The following SH3TC2 variants were observed in gnomAD, a reference collection of about 807,000 sequenced individuals.
SH3TC2 encodes the protein SH3 domain and tetratricopeptide repeat-containing protein 2.
A neutral mutation model predicts 124.5 loss-of-function variants in SH3TC2; 87 were observed. That is an observed-to-expected ratio of 0.70 (90% CI 0.59 to 0.84). The LOEUF is 0.84. Ranked by LOEUF, SH3TC2 falls within the 40% of genes least tolerant of loss-of-function variation. The pLI is 0.00. For missense variants in SH3TC2, 1,536 were observed against 1,566.4 expected (o/e 0.98, Z 0.33); for synonymous variants, 634 against 628.5 (o/e 1.01, Z -0.13).
At position 149,003,931 on chromosome 5, in the gene SH3TC2, G is replaced by T. The variant is rs971816987; in HGVS notation, c.*780C>A. ...CCTCCATCTCATCTGCCCCCATTGT[G>T]GATGAGACAAAATGTGTGTGTAAAT... On this transcript the variant is annotated 3_prime_UTR_variant, in exon 17 of 17. Coordinates refer to ENST00000515425, the MANE Select transcript of SH3TC2 (RefSeq NM_024577.4). 3.4e-6 allele frequency: 1 copy of T among 295,990 alleles called. No individual in the cohort carries two copies. Among genetic ancestry groups the T allele is most frequent in the Non-Finnish European group, 6.9e-6 (1 of 144,798 alleles). 18.3% of individuals were successfully genotyped at this position (295,990 alleles called of 1,614,324 possible). A position where few individuals can be genotyped will look rare whatever the true frequency, so the allele number is the denominator to read the frequency against.
chr5:149,008,456 G>A, intron 15 of SH3TC2: 1 of 251,472 alleles, frequency 4.0e-6, no homozygotes, highest in Non-Finnish European at 7.8e-6. Flanking sequence ...CAGTCCTTTT[G>A]CAATGGGAAC....
At chr5:149,006,388 A>G in intron 16 of SH3TC2, 1 of 182,468 alleles carries the variant, frequency 5.5e-6, no homozygotes. Context: ...AAACATGTTA[A>G]TATGCACCCA....
In SH3TC2 at chr5:148,997,464, C is replaced by T. The variant is rs540513790; in HGVS notation, c.*7247G>A. Among the ~76,000 whole-genome samples, 1 of 152,312 alleles carries T rather than the reference C, an allele frequency of 6.6e-6. No homozygotes were observed. The highest frequency in any genetic ancestry group is 2.1e-4 in the South Asian group (1 of 4,832). ...GGCTAAGTTACCTGACTGTGGTCAA[C>T]AATAACACCAGTATTTCTTTTTCAA... On this transcript the variant is annotated 3_prime_UTR_variant, in exon 17 of 17. Coordinates refer to ENST00000515425, the MANE Select transcript of SH3TC2 (RefSeq NM_024577.4).
In SH3TC2 at chr5:149,004,423, T is replaced by G; in HGVS notation, c.*288A>C. On this transcript the variant is annotated 3_prime_UTR_variant, in exon 17 of 17. Coordinates refer to ENST00000515425, the MANE Select transcript of SH3TC2 (RefSeq NM_024577.4). Reference sequence around the variant, plus strand: ...GCAAGATCCCTCATCTTCTCCAGAATTATGTATGGAGAAAGTGCTTTTCAG... The same window carrying G: ...GCAAGATCCCTCATCTTCTCCAGAAGTATGTATGGAGAAAGTGCTTTTCAG... 2 of 412,316 alleles carry G rather than the reference T, an allele frequency of 4.9e-6. No individual in the cohort carries two copies. The highest frequency in any genetic ancestry group is 4.4e-6 in the Non-Finnish European group (1 of 226,628). The allele number at this position is 412,316 out of a possible 1,614,324, so 25.5% of individuals were successfully genotyped here.
intron 3 of SH3TC2, chr5:149,046,211 A>G (rs1276280508): frequency 6.4e-6 from 1 of 156,490 alleles, no homozygotes; most frequent in Non-Finnish European, 1.4e-5. Context: ...CTTCTGCCAT[A>G]CCAAACCCCA....
rs562598939 is a variant in SH3TC2 at position 148,989,739 on chromosome 5, G to T, written c.*14972C>A. Among the ~76,000 whole-genome samples the T allele has an allele frequency of 6.6e-6, 1 of 152,188 alleles. No homozygotes were observed. Among genetic ancestry groups the T allele is most frequent in the African/African-American group, 2.4e-5 (1 of 41,442 alleles). On this transcript the variant is annotated 3_prime_UTR_variant, in exon 17 of 17. Coordinates refer to ENST00000515425, the MANE Select transcript of SH3TC2 (RefSeq NM_024577.4). ...GGAACCACTCATTCAAGGGGATCTG[G>T]AGAGTGACCCAGGATAGAGTGAGTC...
rs1387724597 is a variant in SH3TC2, at chr5:148,989,153, C to T, written c.*15558G>A. On this transcript the variant is annotated 3_prime_UTR_variant, in exon 17 of 17. Transcript: ENST00000515425. ...GTTCCTTTTGGAGTCATTGAATTCC[C>T]TTTTTGAGTCTTTTTTCCAAGATTA... Among the ~76,000 whole-genome samples the T allele has an allele frequency of 6.6e-6, 1 of 152,076 alleles. No individual in the cohort carries two copies. The highest frequency in any genetic ancestry group is 2.4e-5 in the African/African-American group (1 of 41,398).
chr5:149,040,321 C>T (rs977779467), intron 7 of SH3TC2, among the ~76,000 whole-genome samples: 1 of 152,072 alleles, frequency 6.6e-6, no homozygotes, highest in Admixed American at 6.6e-5. Flanking sequence ...TCTTAAAATC[C>T]CTAATTATTC....
chr5:149,041,432 G>A lies in SH3TC2; in HGVS notation c.715C>T (p.Pro239Ser), dbSNP rs1368537589. 6.2e-7 allele frequency: 1 copy of A among 1,612,882 alleles called. No homozygotes were observed. Among genetic ancestry groups the A allele is most frequent in the Admixed American group, 1.7e-5 (1 of 60,016 alleles). The change falls in exon 6 of 17, where the codon CCT (proline) becomes TCT (serine). Residue 239 changes from proline to serine, a missense_variant. Physicochemically the swap from Pro to Ser is moderately conservative, Grantham distance 74. Transcript: ENST00000515425. ...LVLVSALEPL[P>S]LPFHQWFLKN... is the part of the protein sequence containing the mutation. ...GCTACTCACTGGTGGAAAGGGAGAG[G>A]CAGAGGCTCCAAGGCTGACACCAGT...
Position 148,992,521 on chromosome 5 carries a change from C to T in SH3TC2, c.*12190G>A, listed in dbSNP as rs116091693. On this transcript the variant is annotated 3_prime_UTR_variant, in exon 17 of 17. Coordinates refer to ENST00000515425, the MANE Select transcript of SH3TC2 (RefSeq NM_024577.4). ...AGGTTTTTAACTCATCATCCTTGGG[C>T]GTGCATTAAAGGGTCCATGAGGCCT... Among the ~76,000 whole-genome samples the T allele has an allele frequency of 5.2e-3, 773 of 148,834 alleles. 10 individuals carry two copies. Among genetic ancestry groups the T allele is most frequent in the African/African-American group, 0.018 (724 of 40,484 alleles).
At chr5:149,061,245 T>C (rs1163217851) in intron 1 of SH3TC2, among the ~76,000 whole-genome samples, 3 of 152,210 alleles carry the variant, frequency 2.0e-5, no homozygotes, top group Non-Finnish European at 4.4e-5. Context: ...GTTTGTTTGT[T>C]TGTTTTCAGC....
chr5:149,026,731 G>A lies in SH3TC2; in HGVS notation c.2894C>T (p.Ser965Phe), dbSNP rs1220087441. 7.4e-6 allele frequency: 12 copies of A among 1,614,076 alleles called. No homozygotes were observed. The highest frequency in any genetic ancestry group is 9.3e-6 in the Non-Finnish European group (11 of 1,180,042). ...HLKSQLQATK[S>F]LCHFYSSVSP... Reference sequence around the variant, plus strand: ...CACAGAGCTGTAGAAATGGCAGAGGGATTTGGTGGCCTGAAGCTGACCTGA... The same window carrying A: ...CACAGAGCTGTAGAAATGGCAGAGGAATTTGGTGGCCTGAAGCTGACCTGA... Residue 965 changes from serine (S) to phenylalanine (F), a missense_variant, in exon 12 of 17, where the codon TCC (serine) becomes TTC (phenylalanine). Physicochemically the swap from Ser to Phe is radical, Grantham distance 155 (BLOSUM62 -2). This residue lies in a region of SH3TC2 where 426 missense variants were observed against 443.5 expected (regional missense o/e 0.96). Transcript: ENST00000515425.
At chr5:149,006,792 C>T (rs1015225019) in intron 16 of SH3TC2, 89 bp downstream of exon 16, 47 of 1,362,032 alleles carry the variant, frequency 3.5e-5, no homozygotes, top group Non-Finnish European at 4.7e-5. Flanking sequence ...TTTCTCAGCT[C>T]CACCACAAAG....
rs995239427 is a variant in SH3TC2, at chr5:149,042,731, G to T, written c.492C>A (p.His164Gln). Residue 164 changes from histidine (H) to glutamine (Q), a missense_variant, in exon 5 of 17, where the codon CAC becomes CAA. Around this residue, in one of 3 missense-constraint regions of SH3TC2, gnomAD observed 1,102 missense variants for 1,098.6 expected, o/e 1.00. Transcript: ENST00000515425. Reference protein sequence around the residue: ...TEIQVSVDDKHLETIYLGLLI... With the variant: ...TEIQVSVDDKQLETIYLGLLI... ...GGAGTCCCAGGTATATTGTTTCCAG[G>T]TGTTTATCATCTACAGACACTTGGA... 1 of 1,614,114 alleles carries T rather than the reference G, an allele frequency of 6.2e-7. No homozygotes were observed. Among genetic ancestry groups the T allele is most frequent in the Admixed American group, 1.7e-5 (1 of 60,022 alleles).
chr5:149,043,727 G>T (rs1373404610), intron 4 of SH3TC2: 1 of 151,522 alleles, frequency 6.6e-6, no homozygotes, highest in Non-Finnish European at 1.5e-5. Flanking sequence ...GAGGATGTCT[G>T]ATGGTCAGGA....
At position 148,984,560 on chromosome 5, in the gene SH3TC2, C is replaced by T. The variant is rs776559245; in HGVS notation, c.*20151G>A. Among the ~76,000 whole-genome samples the T allele has an allele frequency of 6.6e-6, 1 of 152,032 alleles. No homozygotes were observed. The highest frequency in any genetic ancestry group is 1.5e-5 in the Non-Finnish European group (1 of 68,006). On this transcript the variant is annotated 3_prime_UTR_variant, in exon 17 of 17. Transcript: ENST00000515425. ...AAAATTGAGCATTCCTTGACTAAGT[C>T]GAAACCCCTGACTCAGTCTTCTGCC...
rs1754315989 is a variant in SH3TC2 at position 149,038,298 on chromosome 5, G to A, written c.998C>T (p.Pro333Leu). 1 of 1,613,690 alleles carries A rather than the reference G, an allele frequency of 6.2e-7. No individual in the cohort carries two copies. The highest frequency in any genetic ancestry group is 1.7e-5 in the Admixed American group (1 of 60,000). Residue 333 changes from proline (P) to leucine (L), a missense_variant, in exon 8 of 17, where the codon CCA becomes CTA. Transcript: ENST00000515425. Reference sequence around the variant, plus strand: ...CATGCTCACTGTCAATACTCACATTGGGGAATAAGAATCAGGATCTATGTT... The same window carrying A: ...CATGCTCACTGTCAATACTCACATTAGGGAATAAGAATCAGGATCTATGTT... Reference protein sequence around the residue: ...TRNIDPDSYSPMSRNSAFLSD... With the variant: ...TRNIDPDSYSLMSRNSAFLSD...
In SH3TC2 at chr5:149,009,128, C is replaced by G. The variant is rs1753741480; in HGVS notation, c.3328-127G>C. 5.5e-6 allele frequency: 6 copies of G among 1,085,734 alleles called. No homozygotes were observed. In the South Asian group the frequency reaches 7.6e-5, roughly 14 times the overall value. The allele number at this position is 1,085,734 out of a possible 1,614,324, so 67.3% of individuals were successfully genotyped here. On this transcript the variant is annotated intron_variant, in intron 14 of 16. Coordinates refer to ENST00000515425, the MANE Select transcript of SH3TC2 (RefSeq NM_024577.4). ...GTGGACTAAAACAAAGGGGAGTCAG[C>G]CATGTTTCCCTGTGTGCCTTTACTC... is the stretch of plus-strand genomic sequence containing the variant.
chr5:149,011,927 A>AC (rs375786749), intron 13 of SH3TC2, among the ~76,000 whole-genome samples: 167 of 152,342 alleles, frequency 1.1e-3, no homozygotes, highest in African/African-American at 3.8e-3. Flanking sequence ...ATAAATGCTT[A>AC]CTATGCATTT....
Sources: gnomAD v4.1 joint callset for allele counts (sites outside exome capture counted in the v4.1 genomes callset) on GRCh38, gnomAD v4.1.1 for gene constraint, gnomAD v4.1.1 regional missense constraint, MANE v1.5 for transcripts, NCBI Gene and HGNC (gene_info 2026-07-23, HGNC 2026-07-21) for gene names.